The following SPMIP2 variants were observed in gnomAD, a reference collection of about 807,000 sequenced individuals.
SPMIP2 encodes sperm microtubule inner protein 2, also known as protein SPMIP2.
chr4:158,984,979 C>G, the SPMIP2 span, among the ~76,000 whole-genome samples: 23 of 152,012 alleles, frequency 1.5e-4, no homozygotes, highest in Admixed American at 1.5e-3. Context: ...GAAATACAAA[C>G]TACCATCAGA....
chr4:158,971,635 A>G, the SPMIP2 span, among the ~76,000 whole-genome samples: 1,605 of 152,280 alleles, frequency 0.011, 17 homozygotes, highest in Middle Eastern at 0.048. Context: ...TTGGGTTCTC[A>G]TATATAGTCC....
At chr4:158,953,863 C>A in the SPMIP2 span, among the ~76,000 whole-genome samples, 1 of 152,196 alleles carries the variant, frequency 6.6e-6, no homozygotes, top group South Asian at 2.1e-4. Context: ...GGCCCTGTAA[C>A]CTCTTCGTTT....
chr4:159,029,242 C>T, the SPMIP2 span, among the ~76,000 whole-genome samples: 26 of 152,302 alleles, frequency 1.7e-4, no homozygotes, highest in African/African-American at 6.3e-4. Context: ...TAGATTAAAA[C>T]TCACAGTTAT....
At chr4:158,923,911 G>T in the SPMIP2 span, among the ~76,000 whole-genome samples, 1 of 151,942 alleles carries the variant, frequency 6.6e-6, no homozygotes, top group South Asian at 2.1e-4. Flanking sequence ...ATATGTTGAG[G>T]TTCTAACCCC....
At chr4:158,925,363 T>G in the SPMIP2 span, among the ~76,000 whole-genome samples, 13 of 152,242 alleles carry the variant, frequency 8.5e-5, no homozygotes, top group Admixed American at 7.9e-4. Context: ...CTTATTTCTA[T>G]AAGATCAGTA....
the SPMIP2 span, among the ~76,000 whole-genome samples, chr4:158,989,735 A>G: frequency 1.3e-5 from 2 of 152,232 alleles, no homozygotes; most frequent in African/African-American, 4.8e-5. Flanking sequence ...TTAACTCAAG[A>G]TGGACTAAAG....
the SPMIP2 span, among the ~76,000 whole-genome samples, chr4:159,064,727 T>C: frequency 1.3e-5 from 2 of 152,248 alleles, no homozygotes; most frequent in East Asian, 3.8e-4. Context: ...GTTTTATACA[T>C]ATAAACTTTA....
chr4:159,050,168 T>A, the SPMIP2 span, among the ~76,000 whole-genome samples: 1 of 151,762 alleles, frequency 6.6e-6, no homozygotes, highest in Middle Eastern at 3.2e-3. Context: ...GCATTTGGAA[T>A]TCATTCTTCT....
chr4:158,941,851 ATTTT>A, the SPMIP2 span, among the ~76,000 whole-genome samples: 1 of 150,078 alleles, frequency 6.7e-6, no homozygotes, highest in South Asian at 2.1e-4. Flanking sequence ...GCATTGCTCT[ATTTT>A]TTTTTTCTTG....
At chr4:158,965,809 A>G in the SPMIP2 span, among the ~76,000 whole-genome samples, 1 of 152,198 alleles carries the variant, frequency 6.6e-6, no homozygotes, top group South Asian at 2.1e-4. Flanking sequence ...ACTGCATGAG[A>G]ATAGAATAGA....
the SPMIP2 span, among the ~76,000 whole-genome samples, chr4:159,011,952 A>T: frequency 6.6e-6 from 1 of 151,778 alleles, no homozygotes; most frequent in Admixed American, 6.6e-5. Context: ...AATACTTAGG[A>T]GGCTGAGGCA....
the SPMIP2 span, among the ~76,000 whole-genome samples, chr4:158,929,266 C>A: frequency 6.6e-6 from 1 of 152,362 alleles, no homozygotes; most frequent in Non-Finnish European, 1.5e-5. Flanking sequence ...AGTCTTCCTG[C>A]CTTGGCCTCT....
the SPMIP2 span, chr4:159,007,339 GGAT>G: frequency 4.9e-5 from 35 of 718,734 alleles, no homozygotes; most frequent in Non-Finnish European, 8.1e-5. Context: ...CTCCACCCAA[GGAT>G]GATGAGATGG....
the SPMIP2 span, among the ~76,000 whole-genome samples, chr4:158,947,312 A>G: frequency 6.6e-6 from 1 of 152,220 alleles, no homozygotes. Context: ...GGTTTAAAAT[A>G]GTGGCTGACC....
At chr4:159,044,485 G>A in the SPMIP2 span, among the ~76,000 whole-genome samples, 2 of 151,946 alleles carry the variant, frequency 1.3e-5, no homozygotes, top group African/African-American at 4.8e-5. Context: ...ACCTAGATGG[G>A]AGAAGTTAAA....
the SPMIP2 span, among the ~76,000 whole-genome samples, chr4:159,006,559 G>A: frequency 1.3e-5 from 2 of 152,128 alleles, no homozygotes. Flanking sequence ...AAGTTTCCAA[G>A]GTTTTCATTC....
chr4:158,962,522 C>G, the SPMIP2 span, among the ~76,000 whole-genome samples: 10 of 152,186 alleles, frequency 6.6e-5, no homozygotes, highest in African/African-American at 2.2e-4. Flanking sequence ...TAGTATCAAA[C>G]ATTTGAGTGG....
At chr4:159,069,495 G>A in the SPMIP2 span, among the ~76,000 whole-genome samples, 2 of 150,518 alleles carry the variant, frequency 1.3e-5, no homozygotes, top group African/African-American at 4.9e-5. Flanking sequence ...GTGCAGTGGT[G>A]TGATCATGGC....
At chr4:158,962,620 G>A in the SPMIP2 span, among the ~76,000 whole-genome samples, 1 of 152,042 alleles carries the variant, frequency 6.6e-6, no homozygotes, top group African/African-American at 2.4e-5. Flanking sequence ...TAACCCCTTA[G>A]GTGTCTTTCT....
Sources: gnomAD v4.1 joint callset for allele counts (sites outside exome capture counted in the v4.1 genomes callset) on GRCh38, gnomAD v4.1.1 for gene constraint, MANE v1.5 for transcripts, NCBI Gene and HGNC (gene_info 2026-07-23, HGNC 2026-07-21) for gene names.